Variants in YPEL2 observed in about 807,000 individuals in gnomAD.
YPEL2 encodes the protein protein yippee-like 2.
Under a neutral mutation model 19.1 loss-of-function variants are expected in YPEL2, and 2 were observed. The ratio of observed to expected loss-of-function variants is 0.10; its 90% confidence interval spans 0.04 to 0.33. The LOEUF (loss-of-function observed/expected upper bound fraction) is 0.33. Ranked by LOEUF, YPEL2 falls within the 10% of genes least tolerant of loss-of-function variation. The pLI is 1.00. For missense variants in YPEL2, 66 were observed against 140.7 expected (o/e 0.47, Z 2.68); for synonymous variants, 52 against 50.0 (o/e 1.04, Z -0.17).
intron 1 of YPEL2, among the ~76,000 whole-genome samples, chr17:59,347,532 G>A (rs2147937460): frequency 6.6e-6 from 1 of 152,334 alleles, no homozygotes; most frequent in Admixed American, 6.5e-5. Context: ...CTGGCATGCA[G>A]TGGGTGGATT....
intron 4 of YPEL2, among the ~76,000 whole-genome samples, 173 bp from the exon 5 acceptor site, chr17:59,396,928 G>T (rs1025194310): frequency 2.6e-5 from 4 of 152,182 alleles, no homozygotes; most frequent in Non-Finnish European, 5.9e-5. Context: ...CTACTTGGGA[G>T]GCTGAGGCAG....
rs1256453632 is a variant in YPEL2 at position 59,353,266 on chromosome 17, C to T, written c.-144C>T. 3.2e-6 allele frequency: 2 copies of T among 620,324 alleles called. No individual in the cohort carries two copies. Among genetic ancestry groups the T allele is most frequent in the African/African-American group, 3.7e-5 (2 of 54,456 alleles). 38.4% of individuals were successfully genotyped at this position (620,324 alleles called of 1,614,324 possible). On this transcript the variant is annotated 5_prime_UTR_variant, in exon 2 of 5. Coordinates refer to ENST00000312655, the MANE Select transcript of YPEL2 (RefSeq NM_001005404.4). This position sits in a 1 kb window ranked among gnomAD's most constrained non-coding sequence, Gnocchi z 4.8. ...TGCGTGAGGGTTCTTCTGCCGAAGA[C>T]ATCACCAGTGTGTGGAGCCTGCCAC...
chr17:59,344,528 C>T (rs560731459), intron 1 of YPEL2, among the ~76,000 whole-genome samples: 3 of 152,304 alleles, frequency 2.0e-5, no homozygotes, highest in East Asian at 3.9e-4. Flanking sequence ...GAGGCTGAGG[C>T]AGGTGGACCA....
intron 2 of YPEL2, among the ~76,000 whole-genome samples, chr17:59,361,126 G>A (rs1316046951): frequency 6.6e-6 from 1 of 152,130 alleles, no homozygotes; most frequent in African/African-American, 2.4e-5. Context: ...GCCACCGCAC[G>A]CAGCTTGGGA....
intron 1 of YPEL2, among the ~76,000 whole-genome samples, chr17:59,350,164 G>A (rs2047780970): frequency 6.6e-6 from 1 of 150,866 alleles, no homozygotes; most frequent in Non-Finnish European, 1.5e-5. Context: ...TCAACCTCCT[G>A]GGCTCAAGTA....
intron 2 of YPEL2, among the ~76,000 whole-genome samples, chr17:59,387,324 T>C (rs1254746163): frequency 6.6e-6 from 1 of 150,732 alleles, no homozygotes; most frequent in Non-Finnish European, 1.5e-5. Context: ...ATCCCTGACG[T>C]CCTGCACATC....
At chr17:59,362,343 A>G (rs1481265535) in intron 2 of YPEL2, among the ~76,000 whole-genome samples, 3 of 151,930 alleles carry the variant, frequency 2.0e-5, no homozygotes, top group African/African-American at 7.3e-5. Flanking sequence ...CACATGCTTT[A>G]AATGGGAGGC....
chr17:59,397,038 A>T, intron 4 of YPEL2, 63 bp from the exon 5 acceptor site: 1 of 1,414,540 alleles, frequency 7.1e-7, no homozygotes, highest in South Asian at 1.4e-5. Context: ...CAAAAAAGAA[A>T]AAAAAAATCA....
chr17:59,375,836 G>T (rs2047917733), intron 2 of YPEL2, among the ~76,000 whole-genome samples: 1 of 152,186 alleles, frequency 6.6e-6, no homozygotes, highest in Admixed American at 6.5e-5. Context: ...ATTTTCATAA[G>T]TTCTAACAGA....
At chr17:59,372,997 C>A (rs2047904139) in intron 2 of YPEL2, among the ~76,000 whole-genome samples, 1 of 152,174 alleles carries the variant, frequency 6.6e-6, no homozygotes, top group South Asian at 2.1e-4. Context: ...CCTCAGCCTC[C>A]TGAGTAGCTG....
At chr17:59,371,965 C>T (rs551396949) in intron 2 of YPEL2, among the ~76,000 whole-genome samples, 41 of 152,302 alleles carry the variant, frequency 2.7e-4, no homozygotes, top group African/African-American at 8.9e-4. Flanking sequence ...CTCCTCTCTT[C>T]CTGTCACTTG....
intron 1 of YPEL2, among the ~76,000 whole-genome samples, chr17:59,341,581 C>T (rs936254667): frequency 6.6e-6 from 1 of 152,112 alleles, no homozygotes; most frequent in South Asian, 2.1e-4. Context: ...ATTGCTTGAA[C>T]CTGGGAGGCG....
At chr17:59,351,768 A>G (rs1394981917) in intron 1 of YPEL2, among the ~76,000 whole-genome samples, 1 of 152,342 alleles carries the variant, frequency 6.6e-6, no homozygotes, top group Non-Finnish European at 1.5e-5. Flanking sequence ...AATCCCTTCA[A>G]CAGTCAGATA....
intron 2 of YPEL2, among the ~76,000 whole-genome samples, chr17:59,370,637 C>A (rs1042524850): frequency 6.6e-6 from 1 of 152,156 alleles, no homozygotes; most frequent in Non-Finnish European, 1.5e-5. Flanking sequence ...TCCAGGTAAC[C>A]CCCTGTTCCT....
chr17:59,400,243 A>G lies in YPEL2; in HGVS notation c.*3053A>G, dbSNP rs1343459115. On this transcript the variant is annotated 3_prime_UTR_variant, in exon 5 of 5. Transcript: ENST00000312655. ...GGCTAGAGTGCATTTTTACTGGTGG[A>G]TCAGTGTGTGCGAAAGAGATGACCC... 6.6e-6 allele frequency: 1 copy of G among 152,638 alleles called. No homozygotes were observed. The highest frequency in any genetic ancestry group is 2.4e-5 in the African/African-American group (1 of 41,454). 9.5% of individuals were successfully genotyped at this position (152,638 alleles called of 1,614,324 possible).
intron 2 of YPEL2, among the ~76,000 whole-genome samples, chr17:59,367,481 A>G (rs1219272904): frequency 6.6e-6 from 1 of 152,258 alleles, no homozygotes; most frequent in Non-Finnish European, 1.5e-5. Context: ...CTGCAGCCAC[A>G]GAGAATATAT....
rs142176151 is a variant in YPEL2, at chr17:59,392,132, T to A, written c.270+2664T>A. 4.7e-3 allele frequency among the ~76,000 whole-genome samples: 718 copies of A among 152,286 alleles called. 8 individuals carry two copies. In the Middle Eastern group the frequency reaches 0.051, roughly 11 times the overall value. On this transcript the variant is annotated intron_variant, in intron 4 of 4. Transcript: ENST00000312655. ...TTGCTTCTTGGCCTTTTGGCTAAGA[T>A]CAAGTGCAGAAAAGTTCTGCCCCTG...
intron 1 of YPEL2, among the ~76,000 whole-genome samples, chr17:59,339,275 C>G (rs2047715477): frequency 6.6e-6 from 1 of 152,120 alleles, no homozygotes; most frequent in African/African-American, 2.4e-5. Context: ...ATTACATAAA[C>G]CTAAATTAAA....
intron 2 of YPEL2, among the ~76,000 whole-genome samples, chr17:59,378,413 C>T (rs951800579): frequency 3.3e-5 from 5 of 150,934 alleles, no homozygotes; most frequent in African/African-American, 1.2e-4. Context: ...GGCGTGATCT[C>T]AGCTCACTGC....
Sources: allele counts gnomAD v4.1 joint callset (sites outside exome capture counted in the v4.1 genomes callset), GRCh38; gene constraint gnomAD v4.1.1; non-coding constraint Gnocchi (gnomAD v3.1); transcripts MANE v1.5; gene names NCBI Gene and HGNC (gene_info 2026-07-23, HGNC 2026-07-21).